The following PRKAG2 variants were observed in gnomAD, a reference collection of about 807,000 sequenced individuals.
PRKAG2 encodes the protein 5'-AMP-activated protein kinase subunit gamma-2.
In PRKAG2, 26 loss-of-function variants were observed where a neutral mutation model predicts 69.6. The observed-to-expected ratio is 0.37, with a 90% CI of 0.27 to 0.52. The LOEUF is 0.52. PRKAG2 is among the 20% of genes least tolerant of loss of function. The probability of loss-of-function intolerance (pLI) is 0.90; values close to 1 mark genes in which losing one functional copy is unlikely to be tolerated. For missense variants in PRKAG2, 557 were observed against 740.0 expected, an observed-to-expected ratio of 0.75 and a Z score of 2.87; for synonymous variants, 293 against 285.0, an observed-to-expected ratio of 1.03 and a Z score of -0.28.
At chr7:151,675,691 C>CG in intron 3 of PRKAG2, 54 bp from the exon 4 acceptor site, 1 of 1,521,702 alleles carries the variant, frequency 6.6e-7, no homozygotes, top group Non-Finnish European at 9.1e-7. Context: ...GAAGGGACGT[C>CG]GGGGGTGGTC....
At chr7:151,760,493 C>T (rs1028848780) in intron 3 of PRKAG2, among the ~76,000 whole-genome samples, 3 of 152,198 alleles carry the variant, frequency 2.0e-5, no homozygotes, top group African/African-American at 7.2e-5. Flanking sequence ...CTCGGCCTGG[C>T]CTCCCAAAGT....
intron 3 of PRKAG2, among the ~76,000 whole-genome samples, chr7:151,715,221 G>A (rs2151620756): frequency 1.4e-5 from 2 of 145,330 alleles, no homozygotes; most frequent in Middle Eastern, 7.2e-3. Context: ...TCGCCGTGTT[G>A]GCCAGGCTGG....
At chr7:151,840,480 G>C (rs2079250633) in intron 1 of PRKAG2, among the ~76,000 whole-genome samples, 1 of 152,152 alleles carries the variant, frequency 6.6e-6, no homozygotes, top group Non-Finnish European at 1.5e-5. Flanking sequence ...TCAACTTCCT[G>C]GCCTCAATTG....
intron 1 of PRKAG2, among the ~76,000 whole-genome samples, chr7:151,839,518 T>C (rs1197806874): frequency 6.6e-6 from 1 of 152,240 alleles, no homozygotes; most frequent in Non-Finnish European, 1.5e-5. Context: ...TAGCAATGTC[T>C]ACAGTTCCAA....
intron 1 of PRKAG2, among the ~76,000 whole-genome samples, chr7:151,819,545 C>A (rs2078720576): frequency 6.6e-6 from 1 of 152,186 alleles, no homozygotes; most frequent in Admixed American, 6.5e-5. Context: ...TCCCTGGGTA[C>A]CTCCATCCAG....
intron 5 of PRKAG2, among the ~76,000 whole-genome samples, chr7:151,619,696 A>G (rs1821005310): frequency 6.6e-6 from 1 of 152,202 alleles, no homozygotes. Context: ...CTCATTATGT[A>G]TATGCAAATA....
intron 5 of PRKAG2, among the ~76,000 whole-genome samples, chr7:151,612,405 G>T (rs1348668854): frequency 6.6e-6 from 1 of 152,160 alleles, no homozygotes; most frequent in South Asian, 2.1e-4. Flanking sequence ...AAATCACACT[G>T]CAGAGACCTG....
intron 3 of PRKAG2, among the ~76,000 whole-genome samples, chr7:151,757,069 G>A (rs2075137787): frequency 6.6e-6 from 1 of 152,134 alleles, no homozygotes; most frequent in South Asian, 2.1e-4. Flanking sequence ...TGGCCCTATT[G>A]ATGCTCACTC....
chr7:151,816,860 G>A (rs1323362455), intron 1 of PRKAG2, among the ~76,000 whole-genome samples: 1 of 152,104 alleles, frequency 6.6e-6, no homozygotes, highest in Admixed American at 6.5e-5. Flanking sequence ...AAGCCTAATT[G>A]GTTTTCCTTG....
intron 1 of PRKAG2, among the ~76,000 whole-genome samples, chr7:151,875,772 G>A (rs1353969811): frequency 2.0e-5 from 3 of 152,008 alleles, no homozygotes; most frequent in African/African-American, 7.3e-5. Context: ...CCGCCCCTCT[G>A]GCTGGACAAA....
intron 1 of PRKAG2, among the ~76,000 whole-genome samples, chr7:151,856,009 G>GT (rs1437572087): frequency 6.6e-6 from 1 of 152,156 alleles, no homozygotes; most frequent in Non-Finnish European, 1.5e-5. Flanking sequence ...ACAAAAACCC[G>GT]TAAGTCCTAC....
At chr7:151,848,510 G>GCCT (rs2079490430) in intron 1 of PRKAG2, among the ~76,000 whole-genome samples, 4 of 83,992 alleles carry the variant, frequency 4.8e-5, no homozygotes, top group Non-Finnish European at 9.2e-5. Context: ...AATACTGCAT[G>GCCT]TCTTTTTTTT....
chr7:151,817,871 T>C (rs1212237799), intron 1 of PRKAG2, among the ~76,000 whole-genome samples: 2 of 152,178 alleles, frequency 1.3e-5, no homozygotes, highest in African/African-American at 4.8e-5. Flanking sequence ...GTACAGCACA[T>C]CCTAACAGGG....
At chr7:151,871,360 CGG>C (rs2080216316) in intron 1 of PRKAG2, among the ~76,000 whole-genome samples, 1 of 152,208 alleles carries the variant, frequency 6.6e-6, no homozygotes, top group Admixed American at 6.5e-5. Flanking sequence ...GGAGCCAAGG[CGG>C]GATGCCAACA....
intron 3 of PRKAG2, among the ~76,000 whole-genome samples, chr7:151,680,471 T>C (rs1409945165): frequency 6.6e-6 from 1 of 152,154 alleles, no homozygotes; most frequent in Non-Finnish European, 1.5e-5. Flanking sequence ...ATACCATTTG[T>C]AGTTTTGAAA....
chr7:151,763,967 C>T (rs1256206543), intron 3 of PRKAG2, among the ~76,000 whole-genome samples: 1 of 152,256 alleles, frequency 6.6e-6, no homozygotes, highest in African/African-American at 2.4e-5. Context: ...TGCGTCTCTA[C>T]AGGAGTTGGT....
intron 5 of PRKAG2, among the ~76,000 whole-genome samples, chr7:151,619,490 C>T (rs758582068): frequency 2.6e-5 from 4 of 152,166 alleles, no homozygotes; most frequent in African/African-American, 9.7e-5. Flanking sequence ...GAGTCAGGAA[C>T]GATGGTGATG....
chr7:151,564,000 G>C, intron 14 of PRKAG2, 78 bp downstream of exon 14: 2 of 1,598,818 alleles, frequency 1.3e-6, no homozygotes, highest in Non-Finnish European at 1.7e-6. Context: ...TGAGATTCAG[G>C]CTTCCAGAGG....
At chr7:151,790,250 G>T (rs561372549) in intron 1 of PRKAG2, among the ~76,000 whole-genome samples, 1 of 151,976 alleles carries the variant, frequency 6.6e-6, no homozygotes, top group South Asian at 2.1e-4. Flanking sequence ...TTCCTGCTCC[G>T]TGTCCCCAAA....
Sources: gnomAD v4.1 joint callset for allele counts (sites outside exome capture counted in the v4.1 genomes callset) on GRCh38, gnomAD v4.1.1 for gene constraint, MANE v1.5 for transcripts, NCBI Gene and HGNC (gene_info 2026-07-23, HGNC 2026-07-21) for gene names.